The following CNTN5 variants were observed in gnomAD, a reference collection of about 807,000 sequenced individuals.
CNTN5 encodes contactin-5.
In CNTN5, 77 loss-of-function variants were observed where a neutral mutation model predicts 129.1. The observed-to-expected ratio is 0.60, with a 90% CI of 0.50 to 0.72. The LOEUF (loss-of-function observed/expected upper bound fraction) is 0.72. Among genes scored for constraint, CNTN5 ranks in the 30% least tolerant of loss-of-function variants. The pLI, the probability that CNTN5 is intolerant of heterozygous loss-of-function variation, is 0.00. For synonymous variants in CNTN5, 509 were observed against 465.6 expected, an observed-to-expected ratio of 1.09 and a Z score of -1.20; for missense variants, 1,478 against 1,328.8, an observed-to-expected ratio of 1.11 and a Z score of -1.75.
chr11:99,729,411 T>C (rs955063002), intron 3 of CNTN5, among the ~76,000 whole-genome samples: 1 of 152,192 alleles, frequency 6.6e-6, no homozygotes, highest in Non-Finnish European at 1.5e-5. Context: ...GCATTAAGCC[T>C]AGTACCCAAT....
rs77377728 is a variant in CNTN5, at chr11:99,800,515, A to T, written c.56-19029A>T. 7.5e-3 allele frequency among the ~76,000 whole-genome samples: 1,134 copies of T among 152,198 alleles called. 13 individuals carry two copies. The highest frequency in any genetic ancestry group is 0.026 in the African/African-American group (1,087 of 41,552). On this transcript the variant is annotated intron_variant, in intron 3 of 24. Transcript: ENST00000524871. Reference sequence around the variant, plus strand: ...TCTTTGTTAGTTTTGGGCCTTGATGATCTGTCTGATGCTGTCAGTAGAGTG... The same window carrying T: ...TCTTTGTTAGTTTTGGGCCTTGATGTTCTGTCTGATGCTGTCAGTAGAGTG...
intron 1 of CNTN5, among the ~76,000 whole-genome samples, chr11:99,254,993 G>A (rs1181192610): frequency 1.3e-5 from 2 of 151,872 alleles, no homozygotes; most frequent in Admixed American, 6.6e-5. Context: ...TCTTAATGAG[G>A]TTTAGCAATG....
chr11:99,341,577 A>T (rs75237961), intron 2 of CNTN5, among the ~76,000 whole-genome samples: 1 of 152,108 alleles, frequency 6.6e-6, no homozygotes, highest in Non-Finnish European at 1.5e-5. Flanking sequence ...CAGAATATTT[A>T]CCAAACTGGA....
chr11:99,080,365 G>C (rs899112504), intron 1 of CNTN5, among the ~76,000 whole-genome samples: 8 of 152,136 alleles, frequency 5.3e-5, no homozygotes, highest in Non-Finnish European at 1.0e-4. Context: ...TCACAAAGTG[G>C]TGTGGAGAGA....
chr11:99,366,050 A>T (rs1211130203), intron 2 of CNTN5, among the ~76,000 whole-genome samples: 2 of 152,192 alleles, frequency 1.3e-5, no homozygotes, highest in African/African-American at 4.8e-5. Context: ...AGGCTCCAGC[A>T]TCCCATCCAT....
At chr11:99,235,834 A>G (rs1861232500) in intron 1 of CNTN5, among the ~76,000 whole-genome samples, 1 of 152,228 alleles carries the variant, frequency 6.6e-6, no homozygotes, top group African/African-American at 2.4e-5. Flanking sequence ...TCTTGAATAA[A>G]GTTTGGATTC....
rs1020101036 is a variant in CNTN5, at chr11:99,427,968, A to C, written c.-71+102484A>C. 2.6e-5 allele frequency among the ~76,000 whole-genome samples: 4 copies of C among 151,964 alleles called. No homozygotes were observed. In the South Asian group the frequency reaches 8.3e-4, roughly 31 times the overall value. On this transcript the variant is annotated intron_variant, in intron 2 of 24. Transcript: ENST00000524871. ...CAACTTAATCACGTAAAACTTTTCC[A>C]TACATTTTCTTTTTACAAACCTTAT... is the stretch of plus-strand genomic sequence containing the variant.
At chr11:99,902,735 A>G (rs999007719) in intron 6 of CNTN5, among the ~76,000 whole-genome samples, 1 of 152,344 alleles carries the variant, frequency 6.6e-6, no homozygotes, top group East Asian at 1.9e-4. Context: ...ACCCTTTTAA[A>G]TGTGCAGACA....
intron 4 of CNTN5, among the ~76,000 whole-genome samples, chr11:99,841,330 C>T (rs887021082): frequency 5.9e-5 from 9 of 152,034 alleles, no homozygotes; most frequent in Non-Finnish European, 8.8e-5. Context: ...TTTCCCCAGC[C>T]GGACCATATT....
At chr11:99,061,216 C>A (rs1591124178) in intron 1 of CNTN5, among the ~76,000 whole-genome samples, 1 of 152,110 alleles carries the variant, frequency 6.6e-6, no homozygotes, top group African/African-American at 2.4e-5. Context: ...AAACACTTTG[C>A]ATATCTACAT....
intron 1 of CNTN5, among the ~76,000 whole-genome samples, chr11:99,117,401 T>C (rs1411133292): frequency 1.3e-5 from 2 of 152,168 alleles, no homozygotes; most frequent in South Asian, 2.1e-4. Context: ...ACAATCCTGA[T>C]TCTAACACGA....
intron 13 of CNTN5, among the ~76,000 whole-genome samples, chr11:100,126,916 A>G (rs1946200399): frequency 6.6e-6 from 1 of 151,698 alleles, no homozygotes; most frequent in South Asian, 2.1e-4. Context: ...GGTATAAGGT[A>G]CCACTCTTTT....
At chr11:100,264,271 C>A (rs1380258706) in intron 17 of CNTN5, among the ~76,000 whole-genome samples, 1 of 151,990 alleles carries the variant, frequency 6.6e-6, no homozygotes, top group Admixed American at 6.6e-5. Context: ...GCAGAACGTG[C>A]AGGTTTGTTA....
At chr11:99,073,528 C>A (rs1174859469) in intron 1 of CNTN5, among the ~76,000 whole-genome samples, 3 of 151,820 alleles carry the variant, frequency 2.0e-5, no homozygotes, top group Non-Finnish European at 2.9e-5. Context: ...AGGTATTTGT[C>A]CTAATGCTTT....
chr11:99,211,989 T>C (rs774667326), intron 1 of CNTN5, among the ~76,000 whole-genome samples: 30 of 152,228 alleles, frequency 2.0e-4, no homozygotes, highest in Non-Finnish European at 2.8e-4. Context: ...AAAATGCTTT[T>C]TGGAAGTACT....
At chr11:99,625,884 CATG>C (rs1398613837) in intron 3 of CNTN5, among the ~76,000 whole-genome samples, 1 of 149,752 alleles carries the variant, frequency 6.7e-6, no homozygotes, top group African/African-American at 2.5e-5. Flanking sequence ...CTCATGAGCT[CATG>C]ATAAGGGCAA....
At chr11:99,306,232 T>A in intron 1 of CNTN5, among the ~76,000 whole-genome samples, 1 of 152,182 alleles carries the variant, frequency 6.6e-6, no homozygotes, top group East Asian at 1.9e-4. Context: ...GTCAGACAAT[T>A]GGTTTAAAAT....
intron 18 of CNTN5, among the ~76,000 whole-genome samples, chr11:100,292,590 T>G (rs1284561401): frequency 2.6e-5 from 4 of 151,994 alleles, no homozygotes; most frequent in Non-Finnish European, 5.9e-5. Context: ...TCTATAGTGG[T>G]TGTCTTGCTC....
At chr11:99,248,302 T>C (rs1288583812) in intron 1 of CNTN5, among the ~76,000 whole-genome samples, 1 of 152,196 alleles carries the variant, frequency 6.6e-6, no homozygotes, top group Admixed American at 6.5e-5. Context: ...CACTTTTTGA[T>C]GGGGTTGTTT....
Sources: gnomAD v4.1 joint callset for allele counts (sites outside exome capture counted in the v4.1 genomes callset) on GRCh38, gnomAD v4.1.1 for gene constraint, MANE v1.5 for transcripts, NCBI Gene and HGNC (gene_info 2026-07-23, HGNC 2026-07-21) for gene names.